PTPRD: variants seen among roughly 807,000 people sequenced by gnomAD.
PTPRD encodes receptor-type tyrosine-protein phosphatase delta.
In PTPRD, 34 loss-of-function variants were observed where a neutral mutation model predicts 214.5. The observed-to-expected ratio is 0.16, with a 90% confidence interval of 0.12 to 0.21. PTPRD has a LOEUF of 0.21. Ranked by LOEUF, PTPRD falls within the 10% of genes least tolerant of loss-of-function variation. The pLI, the probability that PTPRD is intolerant of heterozygous loss-of-function variation, is 1.00. For synonymous variants in PTPRD, 1,128 were observed against 845.7 expected (o/e 1.33, Z -5.79); for missense variants, 2,545 against 2,398.7 (o/e 1.06, Z -1.27).
At chr9:8,534,719 T>C (rs2076519011) in intron 14 of PTPRD, among the ~76,000 whole-genome samples, 1 of 151,742 alleles carries the variant, frequency 6.6e-6, no homozygotes, top group Non-Finnish European at 1.5e-5. Flanking sequence ...AGAGAATCAG[T>C]AGTGTTCTAT....
intron 12 of PTPRD, among the ~76,000 whole-genome samples, chr9:8,684,614 A>T (rs2097639734): frequency 6.6e-6 from 1 of 152,312 alleles, no homozygotes; most frequent in South Asian, 2.1e-4. Flanking sequence ...TCATTTACAG[A>T]CTAATACACA....
At chr9:8,337,894 T>G (rs1588041218) in intron 43 of PTPRD, among the ~76,000 whole-genome samples, 1 of 151,528 alleles carries the variant, frequency 6.6e-6, no homozygotes, top group Non-Finnish European at 1.5e-5. Flanking sequence ...TTTTAAACGG[T>G]GGGGCAGGTT....
chr9:8,956,857 A>G (rs1379095861), intron 11 of PTPRD, among the ~76,000 whole-genome samples: 1 of 151,794 alleles, frequency 6.6e-6, no homozygotes, highest in African/African-American at 2.4e-5. Context: ...ATAAACTACC[A>G]ATCACCCAGG....
intron 2 of PTPRD, among the ~76,000 whole-genome samples, chr9:10,458,687 C>A (rs1487442878): frequency 1.3e-5 from 2 of 151,798 alleles, no homozygotes; most frequent in Non-Finnish European, 2.9e-5. Context: ...TGAAGTACTA[C>A]AAAGAGTAGA....
intron 35 of PTPRD, among the ~76,000 whole-genome samples, chr9:8,409,452 C>A (rs1342343996): frequency 1.3e-5 from 2 of 152,140 alleles, no homozygotes; most frequent in Non-Finnish European, 2.9e-5. Flanking sequence ...AGGTTGGGAA[C>A]AATCTGTGTA....
intron 14 of PTPRD, among the ~76,000 whole-genome samples, chr9:8,566,100 A>ATGTGTG (rs139478736): frequency 0.13 from 18,210 of 137,686 alleles, 1,782 homozygotes; most frequent in African/African-American, 0.27. Flanking sequence ...AATGCAAAAT[A>ATGTGTG]TGTGTGTGTG....
chr9:9,157,714 T>C (rs181651589), intron 10 of PTPRD, among the ~76,000 whole-genome samples: 2 of 152,332 alleles, frequency 1.3e-5, no homozygotes, highest in Non-Finnish European at 2.9e-5. Flanking sequence ...TCTTTTTTTT[T>C]CTTTCAACTT....
At chr9:8,755,806 G>C (rs73421220) in intron 11 of PTPRD, among the ~76,000 whole-genome samples, 7,629 of 152,184 alleles carry the variant, frequency 0.05, 477 homozygotes, top group African/African-American at 0.15. Context: ...AACTCAAATT[G>C]TCTTGGAAAC....
At chr9:10,554,375 A>G (rs757754102) in intron 2 of PTPRD, among the ~76,000 whole-genome samples, 2 of 152,174 alleles carry the variant, frequency 1.3e-5, no homozygotes, top group Non-Finnish European at 2.9e-5. Flanking sequence ...TCCAGGTGCA[A>G]TCTTCTTAGC....
chr9:9,607,408 A>G (rs2094233132), intron 7 of PTPRD, among the ~76,000 whole-genome samples: 1 of 152,198 alleles, frequency 6.6e-6, no homozygotes, highest in Non-Finnish European at 1.5e-5. Context: ...ATTAATTCTC[A>G]CAACAAGCTG....
intron 3 of PTPRD, among the ~76,000 whole-genome samples, chr9:10,255,616 C>T (rs4740447): frequency 0.86 from 126,129 of 147,302 alleles, 52,509 homozygotes; most frequent in East Asian, 0.95. Flanking sequence ...AAAATGTATA[C>T]AAAAATATTT....
At chr9:10,058,048 G>T (rs763498795) in intron 3 of PTPRD, among the ~76,000 whole-genome samples, 9 of 152,048 alleles carry the variant, frequency 5.9e-5, no homozygotes, top group African/African-American at 2.2e-4. Flanking sequence ...CAGTATACGG[G>T]TATGTGTGTA....
chr9:9,356,346 G>C (rs1007810133), intron 9 of PTPRD, among the ~76,000 whole-genome samples: 1 of 151,340 alleles, frequency 6.6e-6, no homozygotes, highest in African/African-American at 2.4e-5. Flanking sequence ...TGGCTTGGCG[G>C]TTGAGGGACA....
chr9:10,264,621 C>T (rs1263580896), intron 3 of PTPRD, among the ~76,000 whole-genome samples: 2 of 152,298 alleles, frequency 1.3e-5, no homozygotes, highest in East Asian at 3.9e-4. Flanking sequence ...TTTGATTTTA[C>T]AGCCTCATAG....
At chr9:9,955,955 T>C (rs1434364084) in intron 4 of PTPRD, among the ~76,000 whole-genome samples, 1 of 152,176 alleles carries the variant, frequency 6.6e-6, no homozygotes, top group Non-Finnish European at 1.5e-5. Context: ...ATTTTTAAAT[T>C]ATAACAGGAG....
At chr9:10,370,583 A>C (rs1242582852) in intron 2 of PTPRD, among the ~76,000 whole-genome samples, 1 of 152,124 alleles carries the variant, frequency 6.6e-6, no homozygotes, top group Non-Finnish European at 1.5e-5. Flanking sequence ...AAATTAAATG[A>C]AAATACATTT....
At chr9:9,535,495 G>A (rs2076326021) in intron 8 of PTPRD, among the ~76,000 whole-genome samples, 1 of 152,088 alleles carries the variant, frequency 6.6e-6, no homozygotes, top group African/African-American at 2.4e-5. Context: ...GAACAGCACT[G>A]CTGTGTCACC....
At chr9:8,473,629 T>G (rs983199561) in intron 30 of PTPRD, among the ~76,000 whole-genome samples, 5 of 152,190 alleles carry the variant, frequency 3.3e-5, no homozygotes, top group African/African-American at 1.2e-4. Context: ...GTTAAGCTGA[T>G]GAGTTTCATT....
intron 7 of PTPRD, among the ~76,000 whole-genome samples, chr9:9,614,875 C>G (rs2094758677): frequency 6.6e-6 from 1 of 152,116 alleles, no homozygotes; most frequent in South Asian, 2.1e-4. Context: ...GTGTCACTTA[C>G]CAATTTATTG....
Sources: gnomAD v4.1 joint callset for allele counts (sites outside exome capture counted in the v4.1 genomes callset) on GRCh38, gnomAD v4.1.1 for gene constraint, MANE v1.5 for transcripts, NCBI Gene and HGNC (gene_info 2026-07-23, HGNC 2026-07-21) for gene names.